Variants in APP observed in about 807,000 individuals in gnomAD.
APP encodes amyloid-beta precursor protein.
A neutral mutation model predicts 101.4 loss-of-function variants in APP; 31 were observed. The ratio of observed to expected loss-of-function variants is 0.31; its 90% CI spans 0.23 to 0.41. The LOEUF (loss-of-function observed/expected upper bound fraction) is 0.41. APP is among the 10% of genes least tolerant of loss of function. The probability of loss-of-function intolerance (pLI) is 1.00; values close to 1 mark genes in which losing one functional copy is unlikely to be tolerated. For synonymous variants in APP, 366 were observed against 364.4 expected (o/e 1.00, Z -0.05); for missense variants, 839 against 1,003.7 (o/e 0.84, Z 2.22).
chr21:26,135,278 G>C (rs997829621), intron 1 of APP, among the ~76,000 whole-genome samples: 1 of 152,182 alleles, frequency 6.6e-6, no homozygotes, highest in Admixed American at 6.5e-5. Flanking sequence ...TTCTCACTTC[G>C]AAATTCAAGA....
intron 13 of APP, among the ~76,000 whole-genome samples, chr21:25,918,689 G>A (rs561825671): frequency 1.3e-5 from 2 of 151,630 alleles, no homozygotes; most frequent in East Asian, 2.0e-4. Context: ...AAGAAACGGC[G>A]CACCACGAGA....
chr21:25,957,499 C>G (rs1457769406), intron 11 of APP, among the ~76,000 whole-genome samples: 1 of 152,142 alleles, frequency 6.6e-6, no homozygotes, highest in Non-Finnish European at 1.5e-5. Flanking sequence ...GCACCAAGGT[C>G]TTAGAAATCT....
chr21:25,980,651 T>C (rs1313102020), intron 9 of APP, among the ~76,000 whole-genome samples: 1 of 125,660 alleles, frequency 8.0e-6, no homozygotes, highest in Non-Finnish European at 1.6e-5. Flanking sequence ...TTGTTATTCA[T>C]CTTAAGGCAA....
intron 8 of APP, among the ~76,000 whole-genome samples, chr21:25,990,364 A>C (rs371506498): frequency 1.7e-3 from 262 of 152,334 alleles, no homozygotes; most frequent in African/African-American, 6.1e-3. Context: ...TTTTATTAAC[A>C]TCTATTCTCT....
chr21:26,144,194 G>A (rs548822907), intron 1 of APP, among the ~76,000 whole-genome samples: 1 of 152,290 alleles, frequency 6.6e-6, no homozygotes, highest in East Asian at 1.9e-4. Flanking sequence ...CCGCCTCTAT[G>A]ATTCAGTTAT....
intron 1 of APP, among the ~76,000 whole-genome samples, chr21:26,128,521 G>C (rs1030426286): frequency 6.6e-6 from 1 of 152,120 alleles, no homozygotes; most frequent in Non-Finnish European, 1.5e-5. Context: ...TATATCACTA[G>C]TAATGTATAC....
intron 8 of APP, among the ~76,000 whole-genome samples, chr21:25,991,509 G>C (rs6516717): frequency 0.39 from 59,389 of 151,794 alleles, 14,871 homozygotes; most frequent in African/African-American, 0.7. Flanking sequence ...TCCTGAGTAG[G>C]TGGGATTACA....
At chr21:26,001,149 T>A (rs373356608) in intron 6 of APP, among the ~76,000 whole-genome samples, 2 of 152,224 alleles carry the variant, frequency 1.3e-5, no homozygotes, top group Admixed American at 6.5e-5. Flanking sequence ...AACTGATTAA[T>A]ACACACCACG....
At chr21:25,940,712 T>C (rs900733366) in intron 13 of APP, among the ~76,000 whole-genome samples, 1 of 152,196 alleles carries the variant, frequency 6.6e-6, no homozygotes, top group Admixed American at 6.5e-5. Flanking sequence ...TAGAAGATAA[T>C]AGCATAGGTG....
chr21:25,890,845 A>G (rs1035277775), intron 17 of APP, among the ~76,000 whole-genome samples: 1 of 152,180 alleles, frequency 6.6e-6, no homozygotes, highest in African/African-American at 2.4e-5. Flanking sequence ...GAGAAGATCA[A>G]TTTGATTGGT....
At chr21:26,021,744 G>T in intron 6 of APP, 96 bp downstream of exon 6, 1 of 1,494,628 alleles carries the variant, frequency 6.7e-7, no homozygotes, top group Non-Finnish European at 9.0e-7. Flanking sequence ...GTTTTTGATT[G>T]GGGAAGGCAG....
At chr21:26,076,573 C>T (rs1331419333) in intron 3 of APP, among the ~76,000 whole-genome samples, 1 of 152,016 alleles carries the variant, frequency 6.6e-6, no homozygotes, top group Non-Finnish European at 1.5e-5. Context: ...GAAATTCAGC[C>T]CTAAAGTCTA....
chr21:25,889,902 A>C (rs948235359), intron 17 of APP, among the ~76,000 whole-genome samples: 2 of 152,200 alleles, frequency 1.3e-5, no homozygotes, highest in Admixed American at 6.5e-5. Context: ...GAAAAAAACC[A>C]AAACAACAAC....
In APP at chr21:25,889,504, G is replaced by A. The variant is rs186940612; in HGVS notation, c.2211+2218C>T. 4.6e-3 allele frequency among the ~76,000 whole-genome samples: 699 copies of A among 152,292 alleles called. 5 individuals are homozygous for A. Among genetic ancestry groups the A allele is most frequent in the Middle Eastern group, 0.014 (4 of 294 alleles). ...TGGCATCAAAGAAGGCAACTTCAACGGACAGACCGGCAACAAAGAGAATTA... is the reference window on the plus strand; with the variant it reads ...TGGCATCAAAGAAGGCAACTTCAACAGACAGACCGGCAACAAAGAGAATTA... On this transcript the variant is annotated intron_variant, in intron 17 of 17. Coordinates refer to ENST00000346798, the MANE Select transcript of APP (RefSeq NM_000484.4).
chr21:26,156,353 A>G (rs2063375287), intron 1 of APP, among the ~76,000 whole-genome samples: 1 of 152,256 alleles, frequency 6.6e-6, no homozygotes, highest in African/African-American at 2.4e-5. Flanking sequence ...AAGCAGAGAT[A>G]GTTTCTAGAG....
At chr21:26,131,271 A>T (rs551128098) in intron 1 of APP, among the ~76,000 whole-genome samples, 19 of 150,142 alleles carry the variant, frequency 1.3e-4, no homozygotes, top group East Asian at 3.9e-4. Context: ...TAATTAATTT[A>T]AAAAAAAAGG....
chr21:26,017,654 T>C (rs986770215), intron 6 of APP, among the ~76,000 whole-genome samples: 11 of 152,144 alleles, frequency 7.2e-5, no homozygotes, highest in Non-Finnish European at 1.2e-4. Context: ...CAGGGCACAA[T>C]TGGCTAGATT....
At chr21:25,998,069 G>C (rs1250500547) in intron 7 of APP, among the ~76,000 whole-genome samples, 1 of 152,174 alleles carries the variant, frequency 6.6e-6, no homozygotes, top group African/African-American at 2.4e-5. Flanking sequence ...GTGAGGTGGA[G>C]AGAATTTTAA....
chr21:25,975,878 A>G, intron 10 of APP, 76 bp downstream of exon 10: 1 of 1,184,326 alleles, frequency 8.4e-7, no homozygotes, highest in Non-Finnish European at 1.3e-6. Context: ...GCTGGCAGAT[A>G]AAGGTAAACC....
Sources: gnomAD v4.1 joint callset for allele counts (sites outside exome capture counted in the v4.1 genomes callset) on GRCh38, gnomAD v4.1.1 for gene constraint, MANE v1.5 for transcripts, NCBI Gene and HGNC (gene_info 2026-07-23, HGNC 2026-07-21) for gene names.